Variants in CAMK2D observed in about 807,000 individuals in gnomAD.
CAMK2D encodes the protein calcium/calmodulin-dependent protein kinase type II subunit delta.
CAMK2D carries 37 observed loss-of-function variants against 84.0 expected under a neutral mutation model. The observed-to-expected ratio is 0.44, with a 90% CI of 0.34 to 0.58. The LOEUF (loss-of-function observed/expected upper bound fraction) is 0.58. CAMK2D is among the 20% of genes least tolerant of loss of function. The pLI, the probability that CAMK2D is intolerant of heterozygous loss-of-function variation, is 0.02. For missense variants in CAMK2D, 448 were observed against 652.5 expected, an observed-to-expected ratio of 0.69 and a Z score of 3.41; for synonymous variants, 202 against 212.5, an observed-to-expected ratio of 0.95 and a Z score of 0.43.
At chr4:113,654,090 G>A (rs929868476) in intron 3 of CAMK2D, among the ~76,000 whole-genome samples, 4 of 151,966 alleles carry the variant, frequency 2.6e-5, no homozygotes, top group Non-Finnish European at 4.4e-5. Flanking sequence ...GAAACACTAC[G>A]TGCTAAACGA....
rs185738733 is a variant in CAMK2D, at chr4:113,664,077, G to A, written c.161-2305C>T. On this transcript the variant is annotated intron_variant, in intron 2 of 20. Coordinates refer to ENST00000511664, the MANE Select transcript of CAMK2D (RefSeq NM_001321571.2). ...AGATCACGTGAAGAGACGAGGATAAGACAGGCATCTACAAGGCCAAGGAGA... is the reference window on the plus strand; with the variant it reads ...AGATCACGTGAAGAGACGAGGATAAAACAGGCATCTACAAGGCCAAGGAGA... Among the ~76,000 whole-genome samples, 317 of 152,258 alleles carry A rather than the reference G, an allele frequency of 2.1e-3. 3 individuals carry two copies. The highest frequency in any genetic ancestry group is 7.5e-3 in the African/African-American group (311 of 41,548).
At chr4:113,558,106 G>A (rs1027952675) in intron 4 of CAMK2D, among the ~76,000 whole-genome samples, 8 of 151,972 alleles carry the variant, frequency 5.3e-5, no homozygotes, top group Non-Finnish European at 1.2e-4. Context: ...CCCAGAGTTG[G>A]GCAACAATAA....
At chr4:113,568,560 C>A (rs1010198519) in intron 4 of CAMK2D, among the ~76,000 whole-genome samples, 1 of 151,986 alleles carries the variant, frequency 6.6e-6, no homozygotes, top group African/African-American at 2.4e-5. Flanking sequence ...TGTTTGAGTC[C>A]CTGCTTTCAA....
chr4:113,680,051 CT>C (rs1173858380), intron 2 of CAMK2D, among the ~76,000 whole-genome samples: 1 of 152,020 alleles, frequency 6.6e-6, no homozygotes, highest in Non-Finnish European at 1.5e-5. Context: ...TCTACTAGTC[CT>C]TTTTCACATT....
At chr4:113,473,333 T>C (rs2097568943) in intron 16 of CAMK2D, among the ~76,000 whole-genome samples, 1 of 152,218 alleles carries the variant, frequency 6.6e-6, no homozygotes, top group Non-Finnish European at 1.5e-5. Flanking sequence ...TGCCTATCAA[T>C]TCAGTTATAT....
intron 2 of CAMK2D, among the ~76,000 whole-genome samples, chr4:113,690,156 T>C (rs1016850973): frequency 3.3e-5 from 5 of 152,028 alleles, no homozygotes; most frequent in Admixed American, 2.0e-4. Flanking sequence ...ACCTCAAAAT[T>C]TGATGACCAA....
At chr4:113,607,629 A>C (rs1262963716) in intron 4 of CAMK2D, among the ~76,000 whole-genome samples, 1 of 151,472 alleles carries the variant, frequency 6.6e-6, no homozygotes, top group Non-Finnish European at 1.5e-5. Flanking sequence ...CCCCGCCCGC[A>C]AGAGAAAAAT....
intron 18 of CAMK2D, 110 bp downstream of exon 18, chr4:113,460,037 T>G: frequency 1.5e-5 from 11 of 713,654 alleles, no homozygotes; most frequent in Non-Finnish European, 2.0e-5. Flanking sequence ...TTTCAAATGC[T>G]GGATGAAGGT....
intron 3 of CAMK2D, among the ~76,000 whole-genome samples, chr4:113,660,825 C>T (rs1016934623): frequency 1.5e-4 from 22 of 143,960 alleles, no homozygotes; most frequent in African/African-American, 5.1e-4. Context: ...GACAGAGTCT[C>T]GCTCTCTCGT....
chr4:113,519,660 T>C (rs572719392), intron 8 of CAMK2D, among the ~76,000 whole-genome samples: 27 of 152,316 alleles, frequency 1.8e-4, no homozygotes, highest in Non-Finnish European at 1.8e-4. Context: ...TTATGCTATT[T>C]TGTAGTTCTA....
At chr4:113,540,063 A>C (rs1222067253) in intron 6 of CAMK2D, among the ~76,000 whole-genome samples, 2 of 152,122 alleles carry the variant, frequency 1.3e-5, no homozygotes, top group Admixed American at 6.5e-5. Flanking sequence ...AGTTTGAATA[A>C]TCCTCCTATC....
At chr4:113,581,529 A>AAAAAAAAAAAG (rs373642282) in intron 4 of CAMK2D, among the ~76,000 whole-genome samples, 8 of 121,892 alleles carry the variant, frequency 6.6e-5, no homozygotes, top group African/African-American at 2.6e-4. Flanking sequence ...AAAAAAAAAA[A>AAAAAAAAAAAG]AAAAGAAAAG....
intron 3 of CAMK2D, among the ~76,000 whole-genome samples, chr4:113,619,634 T>C (rs2099036663): frequency 6.6e-6 from 1 of 152,182 alleles, no homozygotes; most frequent in African/African-American, 2.4e-5. Context: ...TGGAATTATT[T>C]CCCCGATATT....
intron 16 of CAMK2D, among the ~76,000 whole-genome samples, chr4:113,480,677 C>A (rs1337210049): frequency 6.6e-6 from 1 of 152,096 alleles, no homozygotes; most frequent in African/African-American, 2.4e-5. Context: ...CTTGTCTCTA[C>A]TAAAAATACA....
At chr4:113,469,906 G>T (rs1564455154) in intron 16 of CAMK2D, among the ~76,000 whole-genome samples, 2 of 151,976 alleles carry the variant, frequency 1.3e-5, no homozygotes, top group Admixed American at 1.3e-4. Context: ...CTGGGTATAA[G>T]CACCCATCAT....
chr4:113,513,474 A>T, intron 11 of CAMK2D, 104 bp from the exon 12 acceptor site: 1 of 805,424 alleles, frequency 1.2e-6, no homozygotes, highest in Non-Finnish European at 2.1e-6. Context: ...CCCTACTTTC[A>T]GTTAGGGGAT....
At chr4:113,660,078 A>G (rs1280551926) in intron 3 of CAMK2D, among the ~76,000 whole-genome samples, 2 of 152,326 alleles carry the variant, frequency 1.3e-5, no homozygotes, top group Middle Eastern at 3.4e-3. Context: ...AAACACCTGT[A>G]AACTTTTCAG....
intron 2 of CAMK2D, among the ~76,000 whole-genome samples, chr4:113,738,732 T>G (rs914585798): frequency 1.0e-3 from 154 of 152,132 alleles, no homozygotes; most frequent in African/African-American, 3.7e-3. Flanking sequence ...CAAGGGAAAT[T>G]TTCCCAATAT....
At chr4:113,700,572 A>C (rs2099414756) in intron 2 of CAMK2D, among the ~76,000 whole-genome samples, 1 of 152,206 alleles carries the variant, frequency 6.6e-6, no homozygotes, top group Non-Finnish European at 1.5e-5. Flanking sequence ...AAAAATAAAA[A>C]AACACTTTCC....
Sources: allele counts gnomAD v4.1 joint callset (sites outside exome capture counted in the v4.1 genomes callset), GRCh38; gene constraint gnomAD v4.1.1; transcripts MANE v1.5; gene names NCBI Gene and HGNC (gene_info 2026-07-23, HGNC 2026-07-21).